CLSTN3: variants seen among roughly 807,000 people sequenced by gnomAD.
CLSTN3 encodes the protein calsyntenin-3.
In CLSTN3, 36 loss-of-function variants were observed where a neutral mutation model predicts 95.9. The observed-to-expected ratio is 0.38, with a 90% CI of 0.29 to 0.50. The LOEUF is 0.50. Ranked by LOEUF, CLSTN3 falls within the 20% of genes least tolerant of loss-of-function variation. CLSTN3 has a pLI of 0.95. For synonymous variants in CLSTN3, 481 were observed against 504.0 expected, an observed-to-expected ratio of 0.95 and a Z score of 0.61; for missense variants, 1,084 against 1,268.8, an observed-to-expected ratio of 0.85 and a Z score of 2.21.
Position 7,141,241 on chromosome 12 carries a change from G to A in CLSTN3, c.1324-1G>A. 6.2e-7 allele frequency: 1 copy of A among 1,613,862 alleles called. No individual in the cohort carries two copies. The highest frequency in any genetic ancestry group is 8.5e-7 in the Non-Finnish European group (1 of 1,179,878). On this transcript the variant is annotated splice_acceptor_variant, in intron 8 of 17. Transcript: ENST00000266546. LOFTEE classifies it high-confidence loss of function. This position sits in a 1 kb window ranked among gnomAD's most constrained non-coding sequence, Gnocchi z 4.1. ...CTCTTGCCCCTACCCTACTCTCCCA[G>A]GTCTGTGATGATGAGTGGCACCACT...
At chr12:7,132,339 G>A (rs2278821) in intron 1 of CLSTN3, 15,208 of 226,432 alleles carry the variant, frequency 0.067, 695 homozygotes, top group East Asian at 0.17. Flanking sequence ...TTCTAGGCCA[G>A]CCCGATAATC....
chr12:7,129,728 G>T (rs1221040068), upstream of CLSTN3: 1 of 985,396 alleles, frequency 1.0e-6, no homozygotes, highest in Non-Finnish European at 1.2e-6. This position sits in a 1 kb window ranked among gnomAD's most constrained non-coding sequence, Gnocchi z 5.5. Context: ...ATCGTCCCGG[G>T]CTTCAGAATC....
chr12:7,155,573 T>G (rs1939801164), intron 16 of CLSTN3, among the ~76,000 whole-genome samples: 1 of 152,262 alleles, frequency 6.6e-6, no homozygotes, highest in African/African-American at 2.4e-5. Flanking sequence ...GTGAAGGCAC[T>G]GCCCCTGGCT....
rs1162345022 is a variant in CLSTN3 at position 7,137,789 on chromosome 12, TGTGTGTGAGA to T, written c.1211-164_1211-155del. 3.4e-5 allele frequency among the ~76,000 whole-genome samples: 4 copies of T among 118,406 alleles called. No homozygotes were observed. The highest frequency in any genetic ancestry group is 1.2e-4 in the African/African-American group (4 of 34,318). The allele number at this position is 118,406 out of a possible 152,430, so 77.7% of individuals were successfully genotyped here. A position where few individuals can be genotyped will look rare whatever the true frequency, so the allele number is the denominator to read the frequency against. ...GTGTGTGTGTGTGTGTGTGTGTGTG[TGTGTGTGAGA>T]GAGAGAGAGAGAGAGAGAGAGAGGA... On this transcript the variant is annotated intron_variant, in intron 7 of 17. Coordinates refer to ENST00000266546, the MANE Select transcript of CLSTN3 (RefSeq NM_014718.4). This position sits in a 1 kb window ranked among gnomAD's most constrained non-coding sequence, Gnocchi z 4.4.
Position 7,150,999 on chromosome 12 carries a change from C to G in CLSTN3, c.2463C>G (p.His821Gln). ...SHVLSSQQFL[H>Q]RGHQPPPEMA... ...TGCTCAGCTCCCAGCAGTTCCTGCA[C>G]CGTGGTCACCAGCCCCCGCCTGAGA... is the stretch of plus-strand genomic sequence containing the variant. Residue 821 changes from histidine to glutamine, a missense_variant, in exon 16 of 18, where the codon CAC becomes CAG. His to Gln is a conservative substitution (Grantham distance 24). Transcript: ENST00000266546. This position sits in a 1 kb window ranked among gnomAD's most constrained non-coding sequence, Gnocchi z 4.0. 6.2e-7 allele frequency: 1 copy of G among 1,613,306 alleles called. No homozygotes were observed.
chr12:7,134,261 T>C (rs1032070973), intron 3 of CLSTN3, among the ~76,000 whole-genome samples: 1 of 152,182 alleles, frequency 6.6e-6, no homozygotes, highest in Non-Finnish European at 1.5e-5. Context: ...TTGCAGTGTA[T>C]ACCACACACA....
At chr12:7,131,791 C>T in intron 1 of CLSTN3, 2 of 456,530 alleles carry the variant, frequency 4.4e-6, no homozygotes, top group Non-Finnish European at 8.8e-6. Flanking sequence ...TGTGCACCAT[C>T]TTGTGGCTTT....
chr12:7,130,803 G>A, intron 1 of CLSTN3, 91 bp downstream of exon 1: 2 of 1,146,120 alleles, frequency 1.7e-6, no homozygotes, highest in Admixed American at 2.0e-5. Context: ...AGGCTCCCTG[G>A]CACCTGACAG....
rs1939839361 is a variant in CLSTN3 at position 7,157,519 on chromosome 12, T to C, written c.2558T>C (p.Val853Ala). ...CCCAGCGCCGCAACCCTCATCATTG[T>C]GGTGTGCGTGGGCTTCCTGGTGCTC... ...MIPSAATLII[V>A]VCVGFLVLMV... The change falls in exon 17 of 18, where the codon GTG becomes GCG. Residue 853 changes from valine to alanine, a missense_variant. Val to Ala is a moderately conservative substitution (Grantham distance 64, BLOSUM62 0). Coordinates refer to ENST00000266546, the MANE Select transcript of CLSTN3 (RefSeq NM_014718.4). This position sits in a 1 kb window ranked among gnomAD's most constrained non-coding sequence, Gnocchi z 5.9. 1.9e-6 allele frequency: 3 copies of C among 1,603,652 alleles called. No individual in the cohort carries two copies. In the South Asian group the frequency reaches 3.3e-5, roughly 18 times the overall value.
At position 7,150,031 on chromosome 12, in the gene CLSTN3, G is replaced by T. The variant is rs1030006741; in HGVS notation, c.2245+338G>T. 6.6e-6 allele frequency among the ~76,000 whole-genome samples: 1 copy of T among 152,044 alleles called. No homozygotes were observed. The highest frequency in any genetic ancestry group is 2.4e-5 in the African/African-American group (1 of 41,378). The stretch of plus-strand genomic sequence containing the variant: ...ACCCTCTAGCTGTCTGTTTGTTACC[G>T]GTCATCTCTGTTGTTCAGCTCACTC... On this transcript the variant is annotated intron_variant, in intron 14 of 17. Coordinates refer to ENST00000266546, the MANE Select transcript of CLSTN3 (RefSeq NM_014718.4). The surrounding 1 kb of genome is among the most constrained non-coding windows in gnomAD (Gnocchi z 4.0).
chr12:7,145,826 A>G (rs756380225), intron 12 of CLSTN3, among the ~76,000 whole-genome samples: 1 of 152,266 alleles, frequency 6.6e-6, no homozygotes, highest in East Asian at 1.9e-4. Flanking sequence ...GCAGTCATCC[A>G]GAGCTTGAAA....
At chr12:7,132,312 G>A (rs1939321096) in intron 1 of CLSTN3, 4 of 235,958 alleles carry the variant, frequency 1.7e-5, no homozygotes, top group Non-Finnish European at 8.5e-6. Flanking sequence ...GGGAAGCAGG[G>A]ACGGGATTTG....
At chr12:7,144,232 CAAAA>C (rs754358387) in intron 12 of CLSTN3, among the ~76,000 whole-genome samples, 3 of 69,666 alleles carry the variant, frequency 4.3e-5, no homozygotes, top group East Asian at 4.8e-4. Flanking sequence ...GACTCCATCT[CAAAA>C]AAAAAAAAAA....
chr12:7,142,065 T>TG, intron 9 of CLSTN3, 21 bp from the exon 10 acceptor site: 1 of 1,380,948 alleles, frequency 7.2e-7, no homozygotes, highest in Non-Finnish European at 9.8e-7. Flanking sequence ...AGCACTGTTT[T>TG]TTTTTTTTTT....
intron 12 of CLSTN3, among the ~76,000 whole-genome samples, chr12:7,145,832 T>G (rs1939614696): frequency 6.6e-6 from 1 of 152,188 alleles, no homozygotes; most frequent in African/African-American, 2.4e-5. Context: ...ATCCAGAGCT[T>G]GAAACCTCTG....
In CLSTN3 at chr12:7,149,187, G is replaced by C; in HGVS notation, c.2063G>C (p.Trp688Ser). The C allele has an allele frequency of 6.2e-7, 1 of 1,614,088 alleles. No individual in the cohort carries two copies. Among genetic ancestry groups the C allele is most frequent in the Non-Finnish European group, 8.5e-7 (1 of 1,179,982 alleles). ...HQVEAKKDESWQGTVTDTRMS... is the reference protein window; with the variant it reads ...HQVEAKKDESSQGTVTDTRMS... ...GTGGAGGCCAAAAAGGATGAGAGTT[G>C]GCAGGGCACAGGTAAGGACGACTTC... Residue 688 changes from tryptophan (W) to serine (S), a missense_variant, in exon 13 of 18, where the codon TGG becomes TCG. By Grantham distance (177) the Trp-to-Ser change is radical (BLOSUM62 -3). Transcript: ENST00000266546. The surrounding 1 kb of genome is among the most constrained non-coding windows in gnomAD (Gnocchi z 4.5).
intron 12 of CLSTN3, among the ~76,000 whole-genome samples, chr12:7,146,332 C>T (rs756678559): frequency 2.6e-5 from 4 of 152,016 alleles, no homozygotes; most frequent in South Asian, 4.2e-4. Flanking sequence ...CCCAGGAGTT[C>T]GAGGCTGCAG....
Position 7,149,827 on chromosome 12 carries a change from G to T in CLSTN3, c.2245+134G>T. 1.3e-6 allele frequency: 1 copy of T among 789,670 alleles called. No homozygotes were observed. The highest frequency in any genetic ancestry group is 2.0e-6 in the Non-Finnish European group (1 of 507,734). The allele number at this position is 789,670 out of a possible 1,614,324, so 48.9% of individuals were successfully genotyped here. ...TGCCGTTTTGCATTTTCCTAGCCTG[G>T]AAGATCCTCTGGCTTTGATTGTCCC... On this transcript the variant is annotated intron_variant, in intron 14 of 17. Transcript: ENST00000266546. The surrounding 1 kb of genome is among the most constrained non-coding windows in gnomAD (Gnocchi z 4.5).
intron 1 of CLSTN3, 80 bp from the exon 2 acceptor site, chr12:7,132,944 G>A: frequency 6.3e-7 from 1 of 1,598,126 alleles, no homozygotes; most frequent in Non-Finnish European, 8.6e-7. Context: ...GGTGTGAGTT[G>A]TCTGGGTCAA....
Sources: gnomAD v4.1 joint callset for allele counts (sites outside exome capture counted in the v4.1 genomes callset) on GRCh38, gnomAD v4.1.1 for gene constraint, Gnocchi (gnomAD v3.1) non-coding constraint, MANE v1.5 for transcripts, NCBI Gene and HGNC (gene_info 2026-07-23, HGNC 2026-07-21) for gene names.